The following GTF2IRD2B variants were observed in gnomAD, a reference collection of about 807,000 sequenced individuals.
GTF2IRD2B encodes the protein general transcription factor II-I repeat domain-containing protein 2B.
A neutral mutation model predicts 55.6 loss-of-function variants in GTF2IRD2B; 10 were observed. That is an observed-to-expected ratio of 0.18 (90% confidence interval 0.11 to 0.31). The LOEUF (loss-of-function observed/expected upper bound fraction) is 0.31, where lower values mean the gene tolerates loss of function less well. GTF2IRD2B is among the 10% of genes least tolerant of loss of function. The probability of loss-of-function intolerance (pLI) is 1.00; values close to 1 mark genes in which losing one functional copy is unlikely to be tolerated. For missense variants in GTF2IRD2B, 206 were observed against 802.7 expected (o/e 0.26, Z 8.98); for synonymous variants, 107 against 320.5 (o/e 0.33, Z 7.12).
intron 1 of GTF2IRD2B, among the ~76,000 whole-genome samples, chr7:75,101,843 G>A (rs1807571817): frequency 7.9e-6 from 1 of 126,852 alleles, no homozygotes; most frequent in East Asian, 2.7e-4. Context: ...GCAGTGAACT[G>A]TGATTGTGCC....
At chr7:75,103,389 C>T (rs587740608) in intron 1 of GTF2IRD2B, among the ~76,000 whole-genome samples, 12 of 151,360 alleles carry the variant, frequency 7.9e-5, no homozygotes, top group African/African-American at 2.9e-4. Context: ...CCCGTGGGGA[C>T]CAGTGCATCA....
intron 1 of GTF2IRD2B, among the ~76,000 whole-genome samples, chr7:75,105,206 C>CA (rs782706581): frequency 0.078 from 11,481 of 147,108 alleles, 20 homozygotes; most frequent in Middle Eastern, 0.15. Context: ...AAACAAAAAA[C>CA]AAAAAAAAAA....
chr7:75,092,797 C>G (rs1182180245), intron 1 of GTF2IRD2B, 32 bp downstream of exon 1: 1 of 153,840 alleles, frequency 6.5e-6, no homozygotes, highest in Admixed American at 6.5e-5. Context: ...CCGACGCCGC[C>G]GACGCCGCCA....
chr7:75,116,640 C>CTTT (rs782017384), intron 3 of GTF2IRD2B, among the ~76,000 whole-genome samples: 4 of 118,350 alleles, frequency 3.4e-5, no homozygotes, highest in East Asian at 2.4e-4. Flanking sequence ...TTTGCCATTT[C>CTTT]TTTTTTTTTT....
In GTF2IRD2B at chr7:75,149,540, C is replaced by T. The variant is rs1809266320; in HGVS notation, c.*243C>T. 6.0e-6 allele frequency: 3 copies of T among 496,878 alleles called. 1 individual carries two copies. The East Asian group carries it at 1.1e-4, about 19-fold the overall frequency. The allele number at this position is 496,878 out of a possible 1,614,324, so 30.8% of individuals were successfully genotyped here. ...GGACTACAGGCATGCGCCACCATGC[C>T]CGGCTAATTTTTGTATTAGTAGAGA... On this transcript the variant is annotated 3_prime_UTR_variant, in exon 16 of 16. Transcript: ENST00000472837.
intron 3 of GTF2IRD2B, 158 bp downstream of exon 3, chr7:75,112,693 CTGCAGAGTCCAAGACAAA>C: frequency 6.3e-7 from 1 of 1,581,064 alleles, no homozygotes; most frequent in East Asian, 2.3e-5. Context: ...CTGCCTAACA[CTGCAGAGTCCAAGACAAA>C]TGGTCATTTT....
chr7:75,127,024 C>CA (rs1327743794), intron 8 of GTF2IRD2B, among the ~76,000 whole-genome samples: 3 of 74,646 alleles, frequency 4.0e-5, no homozygotes, highest in African/African-American at 1.1e-4. Flanking sequence ...AAAACAAAAA[C>CA]AAAAAAAACA....
At chr7:75,118,574 C>A (rs1362117413) in intron 3 of GTF2IRD2B, among the ~76,000 whole-genome samples, 3 of 150,782 alleles carry the variant, frequency 2.0e-5, no homozygotes, top group African/African-American at 2.4e-5. Flanking sequence ...GTCCTCAGTC[C>A]CTCTAGCAGC....
chr7:75,127,252 G>A (rs1808548591), intron 8 of GTF2IRD2B, among the ~76,000 whole-genome samples: 1 of 151,354 alleles, frequency 6.6e-6, no homozygotes, highest in African/African-American at 2.4e-5. Context: ...GCCGAGGCAG[G>A]CAAATTGCTT....
At chr7:75,126,782 A>G (rs1554452498) in intron 8 of GTF2IRD2B, among the ~76,000 whole-genome samples, 3 of 150,426 alleles carry the variant, frequency 2.0e-5, no homozygotes, top group Non-Finnish European at 3.0e-5. Flanking sequence ...AGATCGCCTG[A>G]GCTCAGGAGT....
In GTF2IRD2B at chr7:75,149,405, G is replaced by C. The variant is rs1405914714; in HGVS notation, c.*108G>C. The C allele has an allele frequency of 2.6e-6, 2 of 770,806 alleles. No individual in the cohort carries two copies. The highest frequency in any genetic ancestry group is 3.4e-5 in the African/African-American group (2 of 58,516). 47.7% of individuals were successfully genotyped at this position (770,806 alleles called of 1,614,324 possible). ...AATTTTTTTTTTCTTTTTTGAGATG[G>C]AGTCTTGCTCTGTCGCCCAGGTTGG... On this transcript the variant is annotated 3_prime_UTR_variant, in exon 16 of 16. Coordinates refer to ENST00000472837, the MANE Select transcript of GTF2IRD2B (RefSeq NM_001003795.3).
At chr7:75,147,163 T>C (rs1297307641) in intron 15 of GTF2IRD2B, among the ~76,000 whole-genome samples, 2 of 151,470 alleles carry the variant, frequency 1.3e-5, no homozygotes, top group Non-Finnish European at 2.9e-5. Flanking sequence ...CTGGGTGCAG[T>C]GGCTCATGCC....
intron 1 of GTF2IRD2B, among the ~76,000 whole-genome samples, chr7:75,104,334 G>A (rs1807694544): frequency 6.6e-6 from 1 of 152,220 alleles, no homozygotes; most frequent in Non-Finnish European, 1.5e-5. Context: ...GGCCAGGCTG[G>A]TCTCGAACTC....
At position 75,149,303 on chromosome 7, in the gene GTF2IRD2B, A is replaced by C; in HGVS notation, c.*6A>C. The C allele has an allele frequency of 1.3e-6, 1 of 753,228 alleles. No homozygotes were observed. The highest frequency in any genetic ancestry group is 2.4e-6 in the Non-Finnish European group (1 of 409,030). 46.7% of individuals were successfully genotyped at this position (753,228 alleles called of 1,614,324 possible). ...TACTCCACATCGCAACGTGATGGAG[A>C]GAAAACTCCTGGCAGGGCCCTATGG... On this transcript the variant is annotated 3_prime_UTR_variant, in exon 16 of 16. Transcript: ENST00000472837.
chr7:75,146,017 A>ATTTT (rs587651504), intron 15 of GTF2IRD2B, among the ~76,000 whole-genome samples: 25 of 56,078 alleles, frequency 4.5e-4, no homozygotes, highest in African/African-American at 2.4e-3. Context: ...TGCCCAGATA[A>ATTTT]TTTTTTTTTT....
Position 75,123,165 on chromosome 7 carries a change from C to G in GTF2IRD2B, c.388C>G (p.Pro130Ala). ...AGCCTTAGGGACAACAGTGATGGTG[C>G]CTGTTCCCTATGAGAAGATGCTGCG... ...GKALGTTVMV[P>A]VPYEKMLRDQ... is the part of the protein sequence containing the mutation. The change falls in exon 5 of 16, where the codon CCT (proline) becomes GCT (alanine). Residue 130 changes from proline to alanine, a missense_variant. By Grantham distance (27) the Pro-to-Ala change is conservative. Transcript: ENST00000472837. 1.3e-6 allele frequency: 2 copies of G among 1,530,738 alleles called. No individual in the cohort carries two copies. The highest frequency in any genetic ancestry group is 4.5e-5 in the East Asian group (2 of 44,078). 94.8% of individuals were successfully genotyped at this position (1,530,738 alleles called of 1,614,324 possible).
At chr7:75,104,404 C>T (rs1807699180) in intron 1 of GTF2IRD2B, among the ~76,000 whole-genome samples, 1 of 152,242 alleles carries the variant, frequency 6.6e-6, no homozygotes, top group South Asian at 2.1e-4. Context: ...TAGGCGTGAG[C>T]CACCACGCCG....
chr7:75,148,328 C>T lies in GTF2IRD2B; in HGVS notation c.1881C>T (p.Ala627=). 3.7e-6 allele frequency: 6 copies of T among 1,613,440 alleles called. No individual in the cohort carries two copies. The highest frequency in any genetic ancestry group is 5.1e-6 in the Non-Finnish European group (6 of 1,179,776). Residue 627 remains alanine (A), a synonymous_variant, in exon 16 of 16, where the codon GCC becomes GCT. Coordinates refer to ENST00000472837, the MANE Select transcript of GTF2IRD2B (RefSeq NM_001003795.3). ...CTGGCACCCCAGCGATGGTGGATGC[C>T]AATAACGGGCTTGTCACAAAACTGA... The part of the protein sequence containing the change: ...ASTGTPAMVD[A]NNGLVTKLKS...
At position 75,118,295 on chromosome 7, in the gene GTF2IRD2B, CAG is replaced by C. The variant is rs879982072; in HGVS notation, c.239-2594_239-2593del. On this transcript the variant is annotated intron_variant, in intron 3 of 15. Transcript: ENST00000472837. ...TAGAGGCCATCTTCCTTATAACGCC[CAG>C]AAAGTGTTGCAGGCACCCACAGGGT... is the stretch of plus-strand genomic sequence containing the variant. Among the ~76,000 whole-genome samples, 180 of 150,914 alleles carry C rather than the reference CAG, an allele frequency of 1.2e-3. 3 individuals are homozygous for C. The highest frequency in any genetic ancestry group is 0.01 in the Admixed American group (158 of 15,126).
Sources: gnomAD v4.1 joint callset for allele counts (sites outside exome capture counted in the v4.1 genomes callset) on GRCh38, gnomAD v4.1.1 for gene constraint, MANE v1.5 for transcripts, NCBI Gene and HGNC (gene_info 2026-07-23, HGNC 2026-07-21) for gene names.